The following IGSF11 variants were observed in gnomAD, a reference collection of about 807,000 sequenced individuals.
The protein encoded by IGSF11 is CXADR like 1.
A neutral mutation model predicts 41.0 loss-of-function variants in IGSF11; 22 were observed. That is an observed-to-expected ratio of 0.54 (90% CI 0.38 to 0.77). The LOEUF is 0.77. Ranked by LOEUF, IGSF11 falls within the 30% of genes least tolerant of loss-of-function variation. The pLI is 0.00. For missense variants in IGSF11, 444 were observed against 530.8 expected, an observed-to-expected ratio of 0.84 and a Z score of 1.61; for synonymous variants, 219 against 201.3, an observed-to-expected ratio of 1.09 and a Z score of -0.74.
intron 1 of IGSF11, among the ~76,000 whole-genome samples, chr3:119,127,897 G>A (rs1234943112): frequency 6.6e-6 from 1 of 152,084 alleles, no homozygotes; most frequent in African/African-American, 2.4e-5. Context: ...AAGAGCTCCT[G>A]AAAGAAACAT....
intron 1 of IGSF11, among the ~76,000 whole-genome samples, chr3:119,049,351 A>G (rs1282345806): frequency 6.6e-6 from 1 of 151,932 alleles, no homozygotes; most frequent in Non-Finnish European, 1.5e-5. Flanking sequence ...CTATACACCA[A>G]TAACAGACAA....
rs118141071 is a variant in IGSF11, at chr3:118,963,565, C to T, written c.53-33290G>A. 1.1e-4 allele frequency among the ~76,000 whole-genome samples: 16 copies of T among 152,140 alleles called. No homozygotes were observed. In the East Asian group the frequency reaches 2.9e-3, roughly 28 times the overall value. On this transcript the variant is annotated intron_variant, in intron 1 of 6. Coordinates refer to ENST00000393775, the MANE Select transcript of IGSF11 (RefSeq NM_001015887.3). ...CTAAGAGACTCATGGAGATAGGATT[C>T]TGGGCCAGGAAAACTATGAAACAAG... is the stretch of plus-strand genomic sequence containing the variant.
intron 1 of IGSF11, among the ~76,000 whole-genome samples, chr3:119,051,558 TA>T (rs1438172385): frequency 6.6e-6 from 1 of 152,136 alleles, no homozygotes; most frequent in Non-Finnish European, 1.5e-5. Context: ...CTAACAGCAC[TA>T]AACAAGTTAT....
At chr3:118,941,035 T>G (rs953161869) in intron 1 of IGSF11, among the ~76,000 whole-genome samples, 2 of 151,746 alleles carry the variant, frequency 1.3e-5, no homozygotes, top group Non-Finnish European at 1.5e-5. Context: ...CAGGAGAAAT[T>G]CTCTATGACT....
chr3:119,116,048 T>C (rs1400520003), intron 1 of IGSF11, among the ~76,000 whole-genome samples: 1 of 152,232 alleles, frequency 6.6e-6, no homozygotes, highest in Non-Finnish European at 1.5e-5. Context: ...ACTGTCATGG[T>C]TAATTTTGTT....
At chr3:118,961,845 T>C (rs912549331) in intron 1 of IGSF11, among the ~76,000 whole-genome samples, 4 of 152,260 alleles carry the variant, frequency 2.6e-5, no homozygotes, top group African/African-American at 9.6e-5. Context: ...TGTTGGTCTA[T>C]GTGCCCAATA....
Position 118,925,903 on chromosome 3 carries a change from T to C in IGSF11, c.580+198A>G, listed in dbSNP as rs75533292. ...CATATATAGTTACCACTGGATGAAA[T>C]ACATTTCATAAAGGCAATATAGAGA... On this transcript the variant is annotated intron_variant, in intron 4 of 6. Transcript: ENST00000393775. 2.5e-3 allele frequency: 880 copies of C among 347,584 alleles called. 29 individuals are homozygous for C. In the East Asian group the frequency reaches 0.038, roughly 15 times the overall value. 21.5% of individuals were successfully genotyped at this position (347,584 alleles called of 1,614,324 possible). A position where few individuals can be genotyped will look rare whatever the true frequency, so the allele number is the denominator to read the frequency against.
At chr3:119,049,949 T>G (rs1941544431) in intron 1 of IGSF11, among the ~76,000 whole-genome samples, 1 of 146,846 alleles carries the variant, frequency 6.8e-6, no homozygotes. Context: ...TAGCCATATG[T>G]AGAAAGCTGA....
At chr3:119,110,912 A>G (rs2107518896) in intron 1 of IGSF11, among the ~76,000 whole-genome samples, 1 of 151,924 alleles carries the variant, frequency 6.6e-6, no homozygotes, top group East Asian at 1.9e-4. Flanking sequence ...AATGTTGAAT[A>G]TTGGCCCCCA....
Position 118,902,466 on chromosome 3 carries a change from C to CAGTT in IGSF11, c.*53_*54insAACT. Reference sequence around the variant, plus strand: ...CAGCACTCCCCACCCCACCCTCCCCCTTGTATGAGGGCATTCCATTTATTC... The same window carrying CAGTT: ...CAGCACTCCCCACCCCACCCTCCCCCAGTTTTGTATGAGGGCATTCCATTTATTC... On this transcript the variant is annotated 3_prime_UTR_variant, in exon 7 of 7. Coordinates refer to ENST00000393775, the MANE Select transcript of IGSF11 (RefSeq NM_001015887.3). 2.3e-6 allele frequency: 2 copies of CAGTT among 878,268 alleles called. No homozygotes were observed. The highest frequency in any genetic ancestry group is 1.8e-6 in the Non-Finnish European group (1 of 544,884). 54.4% of individuals were successfully genotyped at this position (878,268 alleles called of 1,614,324 possible). A position where few individuals can be genotyped will look rare whatever the true frequency, so the allele number is the denominator to read the frequency against.
intron 1 of IGSF11, among the ~76,000 whole-genome samples, chr3:119,126,878 G>A (rs979280594): frequency 4.6e-5 from 7 of 152,220 alleles, no homozygotes; most frequent in East Asian, 1.9e-4. Context: ...CCATCCAAGG[G>A]TCAGCAGCCT....
At chr3:119,014,869 C>A (rs765311164) in intron 1 of IGSF11, among the ~76,000 whole-genome samples, 1 of 152,200 alleles carries the variant, frequency 6.6e-6, no homozygotes, top group Non-Finnish European at 1.5e-5. Context: ...TCTTCACCTT[C>A]TGGCTTGGAA....
In IGSF11 at chr3:118,902,951, G is replaced by C; in HGVS notation, c.865C>G (p.Leu289Val). 1 of 1,613,496 alleles carries C rather than the reference G, an allele frequency of 6.2e-7. No homozygotes were observed. Among genetic ancestry groups the C allele is most frequent in the Non-Finnish European group, 8.5e-7 (1 of 1,179,428 alleles). Residue 289 changes from leucine to valine, a missense_variant, in exon 7 of 7, where the codon CTT (leucine) becomes GTT (valine). By Grantham distance (32) the Leu-to-Val change is conservative. This residue lies in a region of IGSF11 where 223 missense variants were observed against 226.2 expected (regional missense o/e 0.99). Transcript: ENST00000393775. ...EIPNEIREDD[L>V]PPKCSSAKAF... ...TTGGCAGAAGAACACTTGGGTGGAAGATCATCCTCTCTGAAAGGAACAAAA... is the reference window on the plus strand; with the variant it reads ...TTGGCAGAAGAACACTTGGGTGGAACATCATCCTCTCTGAAAGGAACAAAA...
At position 118,900,939 on chromosome 3, in the gene IGSF11, A is replaced by G. The variant is rs1268670827; in HGVS notation, c.*1581T>C. On this transcript the variant is annotated 3_prime_UTR_variant, in exon 7 of 7. Transcript: ENST00000393775. ...GTGTTTGCAGCAGCTGTTGGTTTCC[A>G]TTCATTCACATAACTGAAAAAAATG... The G allele has an allele frequency of 6.6e-6, 1 of 152,622 alleles. No homozygotes were observed. Among genetic ancestry groups the G allele is most frequent in the Non-Finnish European group, 1.5e-5 (1 of 68,036 alleles). 9.5% of individuals were successfully genotyped at this position (152,622 alleles called of 1,614,324 possible). A position where few individuals can be genotyped will look rare whatever the true frequency, so the allele number is the denominator to read the frequency against.
intron 1 of IGSF11, among the ~76,000 whole-genome samples, chr3:118,995,946 C>T (rs146039469): frequency 0.026 from 3,917 of 152,076 alleles, 139 homozygotes; most frequent in African/African-American, 0.089. Context: ...CTGCACCTGG[C>T]TAATTTTTTG....
intron 1 of IGSF11, among the ~76,000 whole-genome samples, chr3:119,045,566 G>A (rs1195892490): frequency 1.3e-5 from 2 of 152,118 alleles, no homozygotes; most frequent in Admixed American, 6.5e-5. Flanking sequence ...GAGGCTGGGG[G>A]AGGGGCGCCC....
At position 118,950,163 on chromosome 3, in the gene IGSF11, A is replaced by G. The variant is rs902414529; in HGVS notation, c.53-19888T>C. On this transcript the variant is annotated intron_variant, in intron 1 of 6. Coordinates refer to ENST00000393775, the MANE Select transcript of IGSF11 (RefSeq NM_001015887.3). ...TCTAAAGAAACCACAGCACATACAC[A>G]CTCACTCTATACTTTCTCTGTTTAA... Among the ~76,000 whole-genome samples the G allele has an allele frequency of 3.3e-5, 5 of 152,226 alleles. 1 individual carries two copies. Among genetic ancestry groups the G allele is most frequent in the East Asian group, 1.9e-4 (1 of 5,182 alleles).
At chr3:118,936,373 G>A (rs777690130) in intron 1 of IGSF11, among the ~76,000 whole-genome samples, 5 of 151,972 alleles carry the variant, frequency 3.3e-5, no homozygotes, top group Non-Finnish European at 7.4e-5. Flanking sequence ...CAGGCGTGGT[G>A]GCAGGTGCCT....
chr3:118,980,546 TAA>T (rs1434292833), intron 1 of IGSF11, among the ~76,000 whole-genome samples: 2 of 152,080 alleles, frequency 1.3e-5, no homozygotes, highest in Non-Finnish European at 2.9e-5. Flanking sequence ...GGAAGTGAGA[TAA>T]AGAGAGGTTT....
Sources: allele counts gnomAD v4.1 joint callset (sites outside exome capture counted in the v4.1 genomes callset), GRCh38; gene constraint gnomAD v4.1.1; regional missense constraint gnomAD v4.1.1; transcripts MANE v1.5; gene names NCBI Gene and HGNC (gene_info 2026-07-23, HGNC 2026-07-21).